The following DNAH12 variants were observed in gnomAD, a reference collection of about 807,000 sequenced individuals.
The protein encoded by DNAH12 is axonemal beta dynein heavy chain 12.
DNAH12 carries 285 observed loss-of-function variants against 371.5 expected under a neutral mutation model. The ratio of observed to expected loss-of-function variants is 0.77; its 90% CI spans 0.70 to 0.85. The LOEUF (loss-of-function observed/expected upper bound fraction) is 0.85. DNAH12 is among the 40% of genes least tolerant of loss of function. The pLI is 0.00. For missense variants in DNAH12, 3,611 were observed against 3,689.4 expected, an observed-to-expected ratio of 0.98 and a Z score of 0.55; for synonymous variants, 1,200 against 1,213.0, an observed-to-expected ratio of 0.99 and a Z score of 0.22.
At position 57,446,529 on chromosome 3, in the gene DNAH12, TTAAC is replaced by T; in HGVS notation, c.3939+4_3939+7del. 1.3e-6 allele frequency: 2 copies of T among 1,518,402 alleles called. No homozygotes were observed. The highest frequency in any genetic ancestry group is 4.9e-5 in the East Asian group (2 of 40,468). 94.1% of individuals were successfully genotyped at this position (1,518,402 alleles called of 1,614,324 possible). A position where few individuals can be genotyped will look rare whatever the true frequency, so the allele number is the denominator to read the frequency against. Reference sequence around the variant, plus strand: ...CATTTAATATTATTGATTCAGCAATTTAACTACCTTTCCCATTGCTAGATAATCT... The same window carrying T: ...CATTTAATATTATTGATTCAGCAATTTACCTTTCCCATTGCTAGATAATCT... On this transcript the variant is annotated splice_donor_5th_base_variant and intron_variant, in intron 26 of 73. Coordinates refer to ENST00000495027, the MANE Select transcript of DNAH12 (RefSeq NM_001366028.2).
intron 12 of DNAH12, among the ~76,000 whole-genome samples, chr3:57,489,129 AC>A (rs2067033086): frequency 1.3e-5 from 2 of 152,184 alleles, no homozygotes; most frequent in Admixed American, 6.5e-5. Context: ...AGTAGGTATT[AC>A]TGTCTCCATT....
In DNAH12 at chr3:57,396,350, T is replaced by C. The variant is rs937615413; in HGVS notation, c.6949-2018A>G. ...TTTTAATTTAAAATAAAATTTACAA[T>C]ACAATATAAACAAACATATTTAACT... On this transcript the variant is annotated intron_variant, in intron 43 of 73. Coordinates refer to ENST00000495027, the MANE Select transcript of DNAH12 (RefSeq NM_001366028.2). Among the ~76,000 whole-genome samples, 370 of 144,758 alleles carry C rather than the reference T, an allele frequency of 2.6e-3. 1 individual carries two copies. Among genetic ancestry groups the C allele is most frequent in the African/African-American group, 8.4e-3 (335 of 39,718 alleles). 95.0% of individuals were successfully genotyped at this position (144,758 alleles called of 152,430 possible). A position where few individuals can be genotyped will look rare whatever the true frequency, so the allele number is the denominator to read the frequency against.
chr3:57,449,463 G>A (rs926605212), intron 25 of DNAH12, among the ~76,000 whole-genome samples: 7 of 152,224 alleles, frequency 4.6e-5, no homozygotes, highest in Non-Finnish European at 8.8e-5. Context: ...CTCAGGCATG[G>A]CGGGCTGCAG....
intron 2 of DNAH12, among the ~76,000 whole-genome samples, chr3:57,530,087 G>A (rs2068788947): frequency 6.6e-6 from 1 of 151,694 alleles, no homozygotes; most frequent in Admixed American, 6.6e-5. Flanking sequence ...TTCCATTGTG[G>A]TCAGAGAAGG....
intron 72 of DNAH12, 118 bp from the exon 73 acceptor site, chr3:57,295,710 G>A: frequency 2.4e-6 from 2 of 818,528 alleles, no homozygotes; most frequent in Non-Finnish European, 1.8e-6. Context: ...TAGAGAAAAA[G>A]AAATGTAAAA....
chr3:57,538,787 C>T (rs1271269465), intron 2 of DNAH12, among the ~76,000 whole-genome samples: 3 of 152,328 alleles, frequency 2.0e-5, no homozygotes, highest in African/African-American at 7.2e-5. Context: ...TTCCCTATAG[C>T]TTTAAAAATC....
At position 57,425,054 on chromosome 3, in the gene DNAH12, G is replaced by A. The variant is rs779460575; in HGVS notation, c.5341C>T (p.Pro1781Ser). The A allele has an allele frequency of 2.8e-6, 2 of 702,572 alleles. No individual in the cohort carries two copies. Among genetic ancestry groups the A allele is most frequent in the South Asian group, 3.0e-5 (2 of 67,506 alleles). The allele number at this position is 702,572 out of a possible 1,614,324, so 43.5% of individuals were successfully genotyped here. A position where few individuals can be genotyped will look rare whatever the true frequency, so the allele number is the denominator to read the frequency against. Residue 1781 changes from proline (P) to serine (S), a missense_variant, in exon 35 of 74, where the codon CCT becomes TCT. Pro to Ser is a moderately conservative substitution (Grantham distance 74, BLOSUM62 -1). Transcript: ENST00000495027. The stretch of plus-strand genomic sequence containing the variant: ...CAAACACGAATGTGCTTGCTAGTAG[G>A]ATCATTTTCTACCACATTGCAAAGT... ...VLLCNVVEND[P>S]TSKHIRVWIM...
At chr3:57,393,610 A>AGC (rs1396825111) in intron 44 of DNAH12, among the ~76,000 whole-genome samples, 1 of 124,728 alleles carries the variant, frequency 8.0e-6, no homozygotes, top group African/African-American at 3.0e-5. Flanking sequence ...TGGGTGACAG[A>AGC]GCAAGACTCT....
At chr3:57,309,490 C>A (rs1170468898) in intron 68 of DNAH12, among the ~76,000 whole-genome samples, 176 bp downstream of exon 68, 2 of 152,076 alleles carry the variant, frequency 1.3e-5, no homozygotes, top group Non-Finnish European at 2.9e-5. Context: ...TTAATGTTCT[C>A]AAAAAACTTA....
chr3:57,338,890 CATTGAGA>C (rs1293421916), intron 60 of DNAH12, among the ~76,000 whole-genome samples: 1 of 152,198 alleles, frequency 6.6e-6, no homozygotes, highest in Non-Finnish European at 1.5e-5. Flanking sequence ...AGACAACGAC[CATTGAGA>C]ATGGGCCATG....
At chr3:57,321,989 A>G (rs1369630755) in intron 65 of DNAH12, among the ~76,000 whole-genome samples, 1 of 152,234 alleles carries the variant, frequency 6.6e-6, no homozygotes, top group African/African-American at 2.4e-5. Context: ...TTATATCTAC[A>G]CTACCTAGGA....
intron 45 of DNAH12, among the ~76,000 whole-genome samples, chr3:57,390,360 C>G (rs2063589330): frequency 8.6e-6 from 1 of 116,774 alleles, no homozygotes; most frequent in Non-Finnish European, 1.8e-5. Flanking sequence ...TTTCAGTGAG[C>G]TGTGATTGCA....
intron 11 of DNAH12, among the ~76,000 whole-genome samples, chr3:57,500,586 C>G (rs1193114621): frequency 1.3e-5 from 2 of 152,240 alleles, no homozygotes; most frequent in East Asian, 3.9e-4. Flanking sequence ...CTCCCTTCTC[C>G]ACCTATAAAA....
chr3:57,517,859 G>A (rs1236461536), intron 4 of DNAH12, among the ~76,000 whole-genome samples: 2 of 151,764 alleles, frequency 1.3e-5, no homozygotes, highest in Non-Finnish European at 2.9e-5. Context: ...ACCAGTCTGG[G>A]CAACATGGGG....
Position 57,360,898 on chromosome 3 carries a change from A to T in DNAH12, c.9360+2696T>A, listed in dbSNP as rs2062912451. Among the ~76,000 whole-genome samples, 3 of 152,290 alleles carry T rather than the reference A, an allele frequency of 2.0e-5. No homozygotes were observed. The South Asian group carries it at 6.2e-4, about 32-fold the overall frequency. On this transcript the variant is annotated intron_variant, in intron 58 of 73. Coordinates refer to ENST00000495027, the MANE Select transcript of DNAH12 (RefSeq NM_001366028.2). ...AAGATCAATAACGTTAGCTTACAGA[A>T]GTCATTCTGTAATACCATTTAATTG...
the DNAH12 span, among the ~76,000 whole-genome samples, chr3:57,552,532 C>G: frequency 1.4e-5 from 2 of 146,960 alleles, no homozygotes; most frequent in Non-Finnish European, 3.0e-5. Context: ...TTATGGAAAG[C>G]AAAACTAGCC....
Position 57,489,587 on chromosome 3 carries a change from C to A in DNAH12, c.1436G>T (p.Gly479Val). The A allele has an allele frequency of 6.5e-7, 1 of 1,539,882 alleles. No homozygotes were observed. The highest frequency in any genetic ancestry group is 8.7e-7 in the Non-Finnish European group (1 of 1,143,338). The change falls in exon 12 of 74, where the codon GGC becomes GTC. Residue 479 changes from glycine (G) to valine (V), a missense_variant. Physicochemically the swap from Gly to Val is moderately radical, Grantham distance 109. Coordinates refer to ENST00000495027, the MANE Select transcript of DNAH12 (RefSeq NM_001366028.2). ...VRLDCEDLKT[G>V]LTNKAKAFAN... ...AAAGGCTTTTGCTTTATTTGTCAGG[C>A]CTGTCTTCAAATCTTCACAATCCAA...
chr3:57,342,484 C>CAAA (rs71088060), intron 60 of DNAH12, among the ~76,000 whole-genome samples: 2,141 of 66,024 alleles, frequency 0.032, 93 homozygotes, highest in South Asian at 0.058. Flanking sequence ...ACTAAAAATA[C>CAAA]AAAAAAAAAA....
chr3:57,539,152 CT>C (rs1283993337), intron 2 of DNAH12, among the ~76,000 whole-genome samples: 2 of 152,328 alleles, frequency 1.3e-5, no homozygotes, highest in African/African-American at 4.8e-5. Context: ...TTGTGTCCCC[CT>C]ATTCCTGCCC....
Sources: gnomAD v4.1 joint callset for allele counts (sites outside exome capture counted in the v4.1 genomes callset) on GRCh38, gnomAD v4.1.1 for gene constraint, MANE v1.5 for transcripts, NCBI Gene and HGNC (gene_info 2026-07-23, HGNC 2026-07-21) for gene names.